The following PTCHD4 variants were observed in gnomAD, a reference collection of about 807,000 sequenced individuals.
The protein encoded by PTCHD4 is patched domain containing 4.
PTCHD4 carries 33 observed loss-of-function variants against 58.1 expected under a neutral mutation model. The observed-to-expected ratio is 0.57, with a 90% confidence interval of 0.43 to 0.76. The LOEUF is 0.76. PTCHD4 is among the 30% of genes least tolerant of loss of function. The pLI is 0.00. For missense variants in PTCHD4, 1,058 were observed against 1,027.1 expected, an observed-to-expected ratio of 1.03 and a Z score of -0.41; for synonymous variants, 478 against 409.6, an observed-to-expected ratio of 1.17 and a Z score of -2.02.
chr6:47,983,987 A>G (rs1482002889), intron 4 of PTCHD4, among the ~76,000 whole-genome samples: 1 of 152,208 alleles, frequency 6.6e-6, no homozygotes, highest in Non-Finnish European at 1.5e-5. Flanking sequence ...GTATATTTAA[A>G]TAAACTGTAT....
At chr6:47,974,477 C>A (rs778193428) in intron 4 of PTCHD4, among the ~76,000 whole-genome samples, 3 of 152,144 alleles carry the variant, frequency 2.0e-5, no homozygotes, top group Non-Finnish European at 2.9e-5. Flanking sequence ...GATTTCTCAA[C>A]CTTAACAATA....
intron 3 of PTCHD4, among the ~76,000 whole-genome samples, chr6:48,030,442 C>G (rs1393099620): frequency 1.3e-5 from 2 of 152,090 alleles, no homozygotes; most frequent in Non-Finnish European, 2.9e-5. Flanking sequence ...TTGAAACTAA[C>G]ATTCTAATTT....
chr6:47,877,189 T>G lies in PTCHD4; in HGVS notation c.*1114A>C, dbSNP rs566074809. ...TTTTATTCTATTTCACTCTACGAGT[T>G]TCCTAGTTATGTCTCCTTTCTCCTA... On this transcript the variant is annotated 3_prime_UTR_variant, in exon 5 of 5. Transcript: ENST00000339488. Among the ~76,000 whole-genome samples, 1 of 152,160 alleles carries G rather than the reference T, an allele frequency of 6.6e-6. No individual in the cohort carries two copies. Among genetic ancestry groups the G allele is most frequent in the East Asian group, 1.9e-4 (1 of 5,144 alleles).
intron 4 of PTCHD4, among the ~76,000 whole-genome samples, chr6:47,969,343 C>T (rs1217820374): frequency 6.6e-6 from 1 of 152,218 alleles, no homozygotes; most frequent in Non-Finnish European, 1.5e-5. Flanking sequence ...CGTGCATTTA[C>T]TTGTTGAAAT....
Position 47,864,156 on chromosome 6 carries a change from A to G in PTCHD4, c.*14147T>C, listed in dbSNP as rs1200354154. Among the ~76,000 whole-genome samples the G allele has an allele frequency of 6.6e-6, 1 of 151,944 alleles. No homozygotes were observed. Among genetic ancestry groups the G allele is most frequent in the Non-Finnish European group, 1.5e-5 (1 of 67,914 alleles). On this transcript the variant is annotated 3_prime_UTR_variant, in exon 5 of 5. Coordinates refer to ENST00000339488, the MANE Select transcript of PTCHD4 (RefSeq NM_001384253.1). ...TCACCTGAAAACTTGTTAGAAATGT[A>G]AATTTTCAGGCCTCACTCCAGATCT...
At chr6:48,070,956 C>A (rs1764965630) in intron 1 of PTCHD4, among the ~76,000 whole-genome samples, 1 of 152,104 alleles carries the variant, frequency 6.6e-6, no homozygotes. Context: ...AGCCTTTATG[C>A]AAAATATGCA....
intron 1 of PTCHD4, among the ~76,000 whole-genome samples, chr6:48,109,316 G>C (rs948737399): frequency 6.6e-6 from 1 of 152,076 alleles, no homozygotes; most frequent in African/African-American, 2.4e-5. Context: ...ATAGCCCAAT[G>C]TCATATATGA....
chr6:48,002,301 C>G lies in PTCHD4; in HGVS notation c.898+6333G>C, dbSNP rs768963391. On this transcript the variant is annotated intron_variant, in intron 4 of 4. Coordinates refer to ENST00000339488, the MANE Select transcript of PTCHD4 (RefSeq NM_001384253.1). ...AGTATAAATCATGCTGCTATAAACACAGACGCACACATGTTTATTGTGGCA... is the reference window on the plus strand; with the variant it reads ...AGTATAAATCATGCTGCTATAAACAGAGACGCACACATGTTTATTGTGGCA... Among the ~76,000 whole-genome samples the G allele has an allele frequency of 2.0e-4, 31 of 152,258 alleles. 1 individual carries two copies. Among genetic ancestry groups the G allele is most frequent in the Non-Finnish European group, 1.0e-4 (7 of 68,030 alleles).
At chr6:47,908,685 T>C (rs921541452) in intron 4 of PTCHD4, among the ~76,000 whole-genome samples, 1 of 152,188 alleles carries the variant, frequency 6.6e-6, no homozygotes, top group Non-Finnish European at 1.5e-5. Flanking sequence ...TTTCTACCAA[T>C]GTTTTCTTAA....
At chr6:47,885,923 A>T (rs1186179038) in intron 4 of PTCHD4, among the ~76,000 whole-genome samples, 2 of 152,068 alleles carry the variant, frequency 1.3e-5, no homozygotes, top group Non-Finnish European at 2.9e-5. Flanking sequence ...GGTTCAAGTA[A>T]TTCTCCAGCC....
chr6:48,048,659 G>A (rs1022534771), intron 3 of PTCHD4, among the ~76,000 whole-genome samples: 7 of 151,930 alleles, frequency 4.6e-5, no homozygotes, highest in East Asian at 1.9e-4. Context: ...ATCTCAGCTC[G>A]CTGTTTCTGA....
intron 4 of PTCHD4, among the ~76,000 whole-genome samples, chr6:47,897,567 C>T (rs1257482669): frequency 6.6e-6 from 1 of 152,174 alleles, no homozygotes; most frequent in South Asian, 2.1e-4. Context: ...TCATTAAGAC[C>T]TAATTCTCCC....
intron 3 of PTCHD4, among the ~76,000 whole-genome samples, chr6:48,011,296 T>C (rs1388174177): frequency 2.6e-5 from 4 of 152,232 alleles, no homozygotes; most frequent in Admixed American, 6.5e-5. Flanking sequence ...TGGTATCTCA[T>C]TGTGGTTTGG....
At chr6:48,002,306 G>A (rs7773270) in intron 4 of PTCHD4, among the ~76,000 whole-genome samples, 6,741 of 152,052 alleles carry the variant, frequency 0.044, 196 homozygotes, top group African/African-American at 0.08. Flanking sequence ...AAACACAGAC[G>A]CACACATGTT....
At chr6:48,099,146 C>T (rs972950932) in intron 1 of PTCHD4, among the ~76,000 whole-genome samples, 6 of 152,280 alleles carry the variant, frequency 3.9e-5, no homozygotes, top group Admixed American at 1.3e-4. Context: ...CTGGTGTGGA[C>T]CTGATCCAGA....
chr6:48,040,202 G>T (rs931384398), intron 3 of PTCHD4, among the ~76,000 whole-genome samples: 4 of 152,030 alleles, frequency 2.6e-5, no homozygotes, highest in Admixed American at 6.6e-5. Flanking sequence ...AATAAGGTTG[G>T]TCTATCAATC....
In PTCHD4 at chr6:48,013,767, C is replaced by T. The variant is rs115577377; in HGVS notation, c.418-4653G>A. Among the ~76,000 whole-genome samples, 820 of 152,248 alleles carry T rather than the reference C, an allele frequency of 5.4e-3. 8 individuals are homozygous for T. Among genetic ancestry groups the T allele is most frequent in the African/African-American group, 0.019 (777 of 41,558 alleles). On this transcript the variant is annotated intron_variant, in intron 3 of 4. Coordinates refer to ENST00000339488, the MANE Select transcript of PTCHD4 (RefSeq NM_001384253.1). The stretch of plus-strand genomic sequence containing the variant: ...AGAGAAAGTTTTTAAAAAGCATTAT[C>T]TATTTACTTAAAATGTGCAGCTATC...
At position 47,869,322 on chromosome 6, in the gene PTCHD4, A is replaced by G. The variant is rs899971946; in HGVS notation, c.*8981T>C. 5.9e-5 allele frequency among the ~76,000 whole-genome samples: 9 copies of G among 151,722 alleles called. No homozygotes were observed. The highest frequency in any genetic ancestry group is 1.3e-4 in the Non-Finnish European group (9 of 67,800). ...TGTGATTAATCTCTGGGTACTACTG[A>G]GGAGCCGCTGGCTCACTCATTGTCT... is the stretch of plus-strand genomic sequence containing the variant. On this transcript the variant is annotated 3_prime_UTR_variant, in exon 5 of 5. Coordinates refer to ENST00000339488, the MANE Select transcript of PTCHD4 (RefSeq NM_001384253.1).
chr6:47,963,907 T>C (rs978649768), intron 4 of PTCHD4, among the ~76,000 whole-genome samples: 2 of 152,188 alleles, frequency 1.3e-5, no homozygotes, highest in Non-Finnish European at 2.9e-5. Flanking sequence ...AGCAAGCAAA[T>C]ACCCTATTAA....
Sources: gnomAD v4.1 joint callset for allele counts (sites outside exome capture counted in the v4.1 genomes callset) on GRCh38, gnomAD v4.1.1 for gene constraint, MANE v1.5 for transcripts, NCBI Gene and HGNC (gene_info 2026-07-23, HGNC 2026-07-21) for gene names.